Variants in PLD5 observed in about 807,000 individuals in gnomAD.
PLD5 encodes inactive phospholipase D5.
A neutral mutation model predicts 61.1 loss-of-function variants in PLD5; 36 were observed. The ratio of observed to expected loss-of-function variants is 0.59; its 90% CI spans 0.45 to 0.78. PLD5 has a LOEUF of 0.78. Ranked by LOEUF, PLD5 falls within the 30% of genes least tolerant of loss-of-function variation. The pLI, the probability that PLD5 is intolerant of heterozygous loss-of-function variation, is 0.00. For missense variants in PLD5, 515 were observed against 644.4 expected (o/e 0.80, Z 2.17); for synonymous variants, 243 against 242.8 (o/e 1.00, Z -0.01).
chr1:242,324,635 A>C (rs980568996), intron 2 of PLD5, among the ~76,000 whole-genome samples: 1 of 152,144 alleles, frequency 6.6e-6, no homozygotes, highest in African/African-American at 2.4e-5. Context: ...AAAACTAACA[A>C]ATCATCCACA....
intron 4 of PLD5, among the ~76,000 whole-genome samples, chr1:242,246,517 A>ACACACACACACACACACAC: frequency 6.6e-6 from 1 of 150,606 alleles, no homozygotes; most frequent in Non-Finnish European, 1.5e-5. Context: ...ACACACACAC[A>ACACACACACACACACACAC]AAAGCAAAAT....
rs149433191 is a variant in PLD5 at position 242,215,647 on chromosome 1, C to T, written c.735+4341G>A. Among the ~76,000 whole-genome samples, 490 of 152,170 alleles carry T rather than the reference C, an allele frequency of 3.2e-3. 2 individuals are homozygous for T. The highest frequency in any genetic ancestry group is 0.01 in the African/African-American group (433 of 41,508). The stretch of plus-strand genomic sequence containing the variant: ...GGGTCCTCTTTGGATTCTAGCACAA[C>T]GCATCAAACCATAGCATGGCATGGC... On this transcript the variant is annotated intron_variant, in intron 5 of 9. Coordinates refer to ENST00000536534, the MANE Select transcript of PLD5 (RefSeq NM_001372062.1).
intron 1 of PLD5, chr1:242,365,373 C>G (rs1247874542): frequency 1.9e-5 from 3 of 159,382 alleles, no homozygotes; most frequent in Admixed American, 6.4e-5. Context: ...GCTCTAAGTT[C>G]TGTGTGTGTC....
chr1:242,365,914 C>T (rs1481516778), intron 1 of PLD5: 1 of 152,326 alleles, frequency 6.6e-6, no homozygotes, highest in Non-Finnish European at 1.5e-5. Context: ...CCCAAATACC[C>T]TTATATCAAT....
intron 8 of PLD5, among the ~76,000 whole-genome samples, chr1:242,104,051 C>CT (rs1221311210): frequency 1.3e-5 from 2 of 152,028 alleles, no homozygotes; most frequent in Admixed American, 6.6e-5. Context: ...TTATCTGATT[C>CT]TTTTTTTGAT....
chr1:242,416,051 A>G (rs549267068), intron 1 of PLD5, among the ~76,000 whole-genome samples: 3 of 152,218 alleles, frequency 2.0e-5, no homozygotes, highest in African/African-American at 7.2e-5. Flanking sequence ...GATGTGTTGA[A>G]ACTCTTAAAC....
intron 1 of PLD5, among the ~76,000 whole-genome samples, chr1:242,459,642 A>C (rs577066638): frequency 3.9e-5 from 6 of 152,316 alleles, no homozygotes; most frequent in South Asian, 4.2e-4. Flanking sequence ...TAAATACAAA[A>C]TTGCACGCAG....
At chr1:242,411,961 G>A (rs1664582238) in intron 1 of PLD5, among the ~76,000 whole-genome samples, 1 of 152,080 alleles carries the variant, frequency 6.6e-6, no homozygotes, top group Non-Finnish European at 1.5e-5. Flanking sequence ...AGGAGAGAGG[G>A]AGCTGTGAGA....
At chr1:242,194,994 C>A (rs1234912021) in intron 5 of PLD5, among the ~76,000 whole-genome samples, 1 of 152,014 alleles carries the variant, frequency 6.6e-6, no homozygotes, top group African/African-American at 2.4e-5. Context: ...CTCATGTAAC[C>A]AAACACCACC....
chr1:242,467,095 T>C (rs901324892), intron 1 of PLD5, among the ~76,000 whole-genome samples: 2 of 152,154 alleles, frequency 1.3e-5, no homozygotes, highest in African/African-American at 4.8e-5. Flanking sequence ...TAATCTATTT[T>C]AAATGTCCTC....
chr1:242,463,925 T>C (rs1558585489), intron 1 of PLD5, among the ~76,000 whole-genome samples: 1 of 152,122 alleles, frequency 6.6e-6, no homozygotes, highest in Non-Finnish European at 1.5e-5. Context: ...CCCTTCCCTG[T>C]GTGACGATAT....
intron 1 of PLD5, among the ~76,000 whole-genome samples, chr1:242,390,398 T>C (rs1274734473): frequency 2.0e-5 from 3 of 152,174 alleles, no homozygotes; most frequent in African/African-American, 7.2e-5. Flanking sequence ...GTTCCCTTGT[T>C]CTATGCTTGA....
chr1:242,149,056 A>G (rs1026918597), intron 5 of PLD5, among the ~76,000 whole-genome samples: 1 of 151,952 alleles, frequency 6.6e-6, no homozygotes, highest in Non-Finnish European at 1.5e-5. Context: ...AATGTGCAAT[A>G]GGATTAGTGA....
chr1:242,195,054 TAAC>T (rs1668551428), intron 5 of PLD5, among the ~76,000 whole-genome samples: 1 of 151,942 alleles, frequency 6.6e-6, no homozygotes. Flanking sequence ...AAAACAGAGA[TAAC>T]AAGGAAAAAA....
At chr1:242,161,264 A>G (rs1209047229) in intron 5 of PLD5, among the ~76,000 whole-genome samples, 1 of 152,128 alleles carries the variant, frequency 6.6e-6, no homozygotes, top group East Asian at 1.9e-4. Context: ...CATGTCTTAC[A>G]TGGCAGCAGG....
At chr1:242,416,525 G>A (rs1316314123) in intron 1 of PLD5, among the ~76,000 whole-genome samples, 2 of 152,042 alleles carry the variant, frequency 1.3e-5, no homozygotes, top group Non-Finnish European at 2.9e-5. Flanking sequence ...CAGTAGTTTT[G>A]GAGCTGCAAG....
intron 2 of PLD5, among the ~76,000 whole-genome samples, chr1:242,319,421 T>C (rs955845419): frequency 2.0e-5 from 3 of 151,024 alleles, no homozygotes; most frequent in African/African-American, 7.4e-5. Context: ...ATACAAATGA[T>C]TGTGTGTGTA....
chr1:242,444,555 C>A (rs1357908785), intron 1 of PLD5, among the ~76,000 whole-genome samples: 2 of 149,852 alleles, frequency 1.3e-5, no homozygotes, highest in Non-Finnish European at 3.0e-5. Flanking sequence ...GTGCATGTAA[C>A]CTCCTCTGAT....
intron 1 of PLD5, among the ~76,000 whole-genome samples, chr1:242,518,093 G>A (rs1669163955): frequency 6.6e-6 from 1 of 152,158 alleles, no homozygotes; most frequent in Admixed American, 6.5e-5. Flanking sequence ...TGCCCAGGCA[G>A]GTAGTTCAAC....
Sources: allele counts gnomAD v4.1 joint callset (sites outside exome capture counted in the v4.1 genomes callset), GRCh38; gene constraint gnomAD v4.1.1; transcripts MANE v1.5; gene names NCBI Gene and HGNC (gene_info 2026-07-23, HGNC 2026-07-21).